Variants in PTPRG observed in about 807,000 individuals in gnomAD.
PTPRG encodes protein tyrosine phosphatase receptor type G.
Under a neutral mutation model 165.3 loss-of-function variants are expected in PTPRG, and 102 were observed. The ratio of observed to expected loss-of-function variants is 0.62; its 90% confidence interval spans 0.53 to 0.73. PTPRG has a LOEUF of 0.73. PTPRG is among the 30% of genes least tolerant of loss of function. The probability of loss-of-function intolerance (pLI) is 0.00; values close to 1 mark genes in which losing one functional copy is unlikely to be tolerated. For missense variants in PTPRG, 1,866 were observed against 1,861.4 expected (o/e 1.00, Z -0.05); for synonymous variants, 675 against 669.5 (o/e 1.01, Z -0.13).
At chr3:62,169,278 A>G (rs1705123859) in intron 8 of PTPRG, among the ~76,000 whole-genome samples, 1 of 152,110 alleles carries the variant, frequency 6.6e-6, no homozygotes, top group Non-Finnish European at 1.5e-5. Flanking sequence ...CCATATCATC[A>G]GGACCTTTGA....
At chr3:61,885,349 C>G (rs965653533) in intron 2 of PTPRG, among the ~76,000 whole-genome samples, 2 of 151,806 alleles carry the variant, frequency 1.3e-5, no homozygotes, top group Non-Finnish European at 2.9e-5. Context: ...CTGAAGATTA[C>G]AGAGGCAAAA....
intron 9 of PTPRG, among the ~76,000 whole-genome samples, chr3:62,192,085 C>T (rs1056945185): frequency 3.9e-5 from 6 of 152,202 alleles, no homozygotes; most frequent in Admixed American, 6.5e-5. Flanking sequence ...TCTTCCCCTA[C>T]TAAAGCTACT....
intron 2 of PTPRG, among the ~76,000 whole-genome samples, chr3:61,878,234 G>A (rs1411359693): frequency 3.3e-5 from 5 of 152,110 alleles, no homozygotes; most frequent in East Asian, 3.8e-4. Flanking sequence ...CTTGACAAGC[G>A]TTCTGAGTGA....
At chr3:62,124,202 A>G in intron 5 of PTPRG, 1 of 885,530 alleles carries the variant, frequency 1.1e-6, no homozygotes, top group South Asian at 1.4e-5. Context: ...AGTCATGATT[A>G]TTCAGCCACA....
chr3:62,185,388 A>T (rs1705837977), intron 8 of PTPRG, among the ~76,000 whole-genome samples: 2 of 152,156 alleles, frequency 1.3e-5, no homozygotes, highest in South Asian at 4.1e-4. Context: ...GGTCTATCAG[A>T]CTTCCCTTTG....
At chr3:61,783,640 T>A (rs2034608467) in intron 2 of PTPRG, among the ~76,000 whole-genome samples, 1 of 151,868 alleles carries the variant, frequency 6.6e-6, no homozygotes, top group South Asian at 2.1e-4. Context: ...GACGTTGAGT[T>A]GGGGTGGGAG....
At chr3:61,598,195 T>C (rs1338812524) in intron 1 of PTPRG, among the ~76,000 whole-genome samples, 1 of 152,192 alleles carries the variant, frequency 6.6e-6, no homozygotes, top group African/African-American at 2.4e-5. Flanking sequence ...TAACACATAA[T>C]GTAGAGCAAA....
intron 1 of PTPRG, among the ~76,000 whole-genome samples, chr3:61,579,284 C>T (rs1007077884): frequency 2.6e-5 from 4 of 152,188 alleles, no homozygotes; most frequent in African/African-American, 9.6e-5. Flanking sequence ...CTCCCTCTCC[C>T]CGTGTCCCTT....
intron 12 of PTPRG, among the ~76,000 whole-genome samples, chr3:62,206,777 A>G (rs1213781647): frequency 1.3e-5 from 2 of 152,036 alleles, no homozygotes; most frequent in East Asian, 3.9e-4. Context: ...TAGAAAAAAT[A>G]CAACAATTAG....
At chr3:61,959,686 G>A (rs749682592) in intron 2 of PTPRG, among the ~76,000 whole-genome samples, 21 of 152,124 alleles carry the variant, frequency 1.4e-4, no homozygotes, top group Non-Finnish European at 2.5e-4. Flanking sequence ...TTTGATGGAG[G>A]AAAATAGCAG....
intron 2 of PTPRG, among the ~76,000 whole-genome samples, chr3:61,837,457 G>A (rs750408280): frequency 3.3e-5 from 5 of 152,210 alleles, no homozygotes; most frequent in Admixed American, 6.5e-5. Flanking sequence ...CACAAGCAGG[G>A]CTCCTGTTTG....
At chr3:61,896,927 T>G (rs1455895290) in intron 2 of PTPRG, among the ~76,000 whole-genome samples, 1 of 148,566 alleles carries the variant, frequency 6.7e-6, no homozygotes, top group Non-Finnish European at 1.5e-5. Context: ...TTTTCCTTCT[T>G]ACTATTAAAT....
chr3:62,003,609 C>A, intron 4 of PTPRG, 112 bp downstream of exon 4: 1 of 1,339,494 alleles, frequency 7.5e-7, no homozygotes, highest in Non-Finnish European at 1.0e-6. Flanking sequence ...CAGTACCTAA[C>A]TTCCTCTCTC....
intron 1 of PTPRG, among the ~76,000 whole-genome samples, chr3:61,720,402 G>A (rs1359355757): frequency 1.3e-5 from 2 of 152,302 alleles, no homozygotes; most frequent in Non-Finnish European, 2.9e-5. Context: ...GGGATTACAG[G>A]TGTGAGCCAC....
At chr3:62,177,470 A>G (rs1269490695) in intron 8 of PTPRG, among the ~76,000 whole-genome samples, 2 of 152,216 alleles carry the variant, frequency 1.3e-5, no homozygotes, top group Non-Finnish European at 2.9e-5. Flanking sequence ...GTTATATGTG[A>G]CATGATCATT....
intron 4 of PTPRG, among the ~76,000 whole-genome samples, chr3:62,064,181 T>C (rs1397276784): frequency 6.6e-6 from 1 of 152,156 alleles, no homozygotes; most frequent in East Asian, 1.9e-4. Context: ...TTTTAAACAG[T>C]TGGGATAAAC....
At chr3:62,018,786 C>T (rs2041613310) in intron 4 of PTPRG, among the ~76,000 whole-genome samples, 1 of 152,112 alleles carries the variant, frequency 6.6e-6, no homozygotes, top group African/African-American at 2.4e-5. Context: ...CCCGGGGAAG[C>T]AGGAGGACCC....
intron 2 of PTPRG, chr3:61,750,889 T>C (rs955904911): frequency 4.6e-5 from 7 of 152,306 alleles, no homozygotes; most frequent in Admixed American, 2.6e-4. Flanking sequence ...GTCCACAGGT[T>C]ATATAGTTTG....
intron 2 of PTPRG, among the ~76,000 whole-genome samples, chr3:61,783,324 A>C (rs1445956278): frequency 6.6e-6 from 1 of 152,168 alleles, no homozygotes; most frequent in East Asian, 1.9e-4. Flanking sequence ...TGGGTGACAG[A>C]GTGAGACCCG....
Sources: gnomAD v4.1 joint callset for allele counts (sites outside exome capture counted in the v4.1 genomes callset) on GRCh38, gnomAD v4.1.1 for gene constraint, MANE v1.5 for transcripts, NCBI Gene and HGNC (gene_info 2026-07-23, HGNC 2026-07-21) for gene names.